The following MARCHF7 variants were observed in gnomAD, a reference collection of about 807,000 sequenced individuals.
MARCHF7 encodes E3 ubiquitin-protein ligase MARCHF7.
In MARCHF7, 20 loss-of-function variants were observed where a neutral mutation model predicts 76.5. That is an observed-to-expected ratio of 0.26 (90% CI 0.18 to 0.38). MARCHF7 has a LOEUF of 0.38. Among genes scored for constraint, MARCHF7 ranks in the 10% least tolerant of loss-of-function variants. The pLI is 1.00. For missense variants in MARCHF7, 797 were observed against 812.9 expected (o/e 0.98, Z 0.24); for synonymous variants, 295 against 293.0 (o/e 1.01, Z -0.07).
At position 159,768,674 on chromosome 2, in the gene MARCHF7, A is replaced by G. The variant is rs1446190144; in HGVS notation, c.*1332A>G. 6.6e-6 allele frequency: 1 copy of G among 152,476 alleles called. No individual in the cohort carries two copies. Among genetic ancestry groups the G allele is most frequent in the East Asian group, 1.9e-4 (1 of 5,202 alleles). 9.4% of individuals were successfully genotyped at this position (152,476 alleles called of 1,614,324 possible). A position where few individuals can be genotyped will look rare whatever the true frequency, so the allele number is the denominator to read the frequency against. On this transcript the variant is annotated 3_prime_UTR_variant, in exon 12 of 12. Transcript: ENST00000409175. ...ACAATTTCAAATCTCATTTTAAGCAATAATATAAATGTTCTAAAACATTTG... is the reference window on the plus strand; with the variant it reads ...ACAATTTCAAATCTCATTTTAAGCAGTAATATAAATGTTCTAAAACATTTG...
intron 3 of MARCHF7, among the ~76,000 whole-genome samples, chr2:159,720,907 G>C (rs1199829128): frequency 6.6e-6 from 1 of 152,142 alleles, no homozygotes; most frequent in Non-Finnish European, 1.5e-5. Context: ...GCTCAGGCTG[G>C]GGTACAGTGG....
chr2:159,770,229 T>C lies in MARCHF7; in HGVS notation c.*2887T>C, dbSNP rs1427793488. 6.6e-6 allele frequency: 1 copy of C among 152,164 alleles called. No homozygotes were observed. The highest frequency in any genetic ancestry group is 2.4e-5 in the African/African-American group (1 of 41,422). The allele number at this position is 152,164 out of a possible 1,614,324, so 9.4% of individuals were successfully genotyped here. A position where few individuals can be genotyped will look rare whatever the true frequency, so the allele number is the denominator to read the frequency against. On this transcript the variant is annotated 3_prime_UTR_variant, in exon 12 of 12. Coordinates refer to ENST00000409175, the MANE Select transcript of MARCHF7 (RefSeq NM_001282805.2). The stretch of plus-strand genomic sequence containing the variant: ...TGTTCAATATTGACATTAGTAATAG[T>C]CTATCAATAATAAAATAGACATCTC...
intron 10 of MARCHF7, among the ~76,000 whole-genome samples, chr2:159,764,001 C>A (rs1707414141): frequency 6.6e-6 from 1 of 152,040 alleles, no homozygotes; most frequent in Non-Finnish European, 1.5e-5. Flanking sequence ...TAAAAAGGTA[C>A]CTTAAGTCTT....
At chr2:159,726,452 C>T (rs148848986) in intron 3 of MARCHF7, among the ~76,000 whole-genome samples, 68 of 152,052 alleles carry the variant, frequency 4.5e-4, no homozygotes, top group African/African-American at 1.5e-3. Flanking sequence ...TTAGTGGAGA[C>T]GGGGTTTCAC....
intron 9 of MARCHF7, 73 bp from the exon 10 acceptor site, chr2:159,762,807 A>G (rs1230240037): frequency 1.2e-6 from 1 of 801,764 alleles, no homozygotes; most frequent in African/African-American, 1.7e-5. Context: ...GTGTACTGTG[A>G]GTATCAATCT....
At chr2:159,759,967 G>A (rs1706826878) in intron 9 of MARCHF7, among the ~76,000 whole-genome samples, 1 of 152,216 alleles carries the variant, frequency 6.6e-6, no homozygotes, top group East Asian at 1.9e-4. Flanking sequence ...TTAAATGTAG[G>A]GGTAATGGGC....
At chr2:159,761,406 C>CTTTTTT (rs747902045) in intron 9 of MARCHF7, among the ~76,000 whole-genome samples, 1,650 of 73,728 alleles carry the variant, frequency 0.022, 274 homozygotes, top group East Asian at 0.036. Context: ...TGAATCATTT[C>CTTTTTT]TTTTTTTTTT....
chr2:159,760,969 A>C (rs1048551185), intron 9 of MARCHF7, among the ~76,000 whole-genome samples: 1 of 151,922 alleles, frequency 6.6e-6, no homozygotes, highest in Admixed American at 6.6e-5. Context: ...GATTAGTTTA[A>C]TAAGTCTATT....
At chr2:159,734,788 A>G (rs1041935195) in intron 4 of MARCHF7, among the ~76,000 whole-genome samples, 6 of 149,806 alleles carry the variant, frequency 4.0e-5, no homozygotes, top group Non-Finnish European at 5.9e-5. Flanking sequence ...TCTGGGTGAC[A>G]TAGTGGGACC....
chr2:159,713,144 A>G (rs1700462861), intron 1 of MARCHF7, among the ~76,000 whole-genome samples: 1 of 152,234 alleles, frequency 6.6e-6, no homozygotes, highest in African/African-American at 2.4e-5. Context: ...CTTATTGGTA[A>G]CGTCAGTTTT....
chr2:159,743,096 A>T lies in MARCHF7; in HGVS notation c.189A>T (p.Gln63His). 6.2e-7 allele frequency: 1 copy of T among 1,613,954 alleles called. No homozygotes were observed. Among genetic ancestry groups the T allele is most frequent in the Non-Finnish European group, 8.5e-7 (1 of 1,179,964 alleles). Reference sequence around the variant, plus strand: ...CATCAGCATCTGCGTCACCATTTCAATCTGCATGGTATAGTGAATCTGAGA... The same window carrying T: ...CATCAGCATCTGCGTCACCATTTCATTCTGCATGGTATAGTGAATCTGAGA... ...TSASASASPF[Q>H]SAWYSESEIT... Residue 63 changes from glutamine (Q) to histidine (H), a missense_variant, in exon 5 of 12, where the codon CAA becomes CAT. By Grantham distance (24) the Gln-to-His change is conservative. Transcript: ENST00000409175.
intron 9 of MARCHF7, among the ~76,000 whole-genome samples, chr2:159,760,358 G>C (rs1706883662): frequency 6.6e-6 from 1 of 152,118 alleles, no homozygotes; most frequent in Admixed American, 6.5e-5. Context: ...CTAATTGCTT[G>C]GATCCAGATA....
At chr2:159,739,888 T>A (rs1703925520) in intron 4 of MARCHF7, among the ~76,000 whole-genome samples, 1 of 152,184 alleles carries the variant, frequency 6.6e-6, no homozygotes, top group African/African-American at 2.4e-5. Context: ...GTGTCGTGAG[T>A]CATGAAAATT....
intron 3 of MARCHF7, among the ~76,000 whole-genome samples, chr2:159,728,140 T>A (rs1199403604): frequency 6.6e-6 from 1 of 152,244 alleles, no homozygotes; most frequent in Non-Finnish European, 1.5e-5. Context: ...ATGTGCAAAT[T>A]GCTTAACCTC....
intron 7 of MARCHF7, among the ~76,000 whole-genome samples, chr2:159,750,363 A>T (rs1369063146): frequency 2.0e-5 from 3 of 152,154 alleles, no homozygotes; most frequent in African/African-American, 7.2e-5. Context: ...TGTCTCTATT[A>T]AAAATACAAA....
At chr2:159,759,446 A>C in intron 9 of MARCHF7, 111 bp downstream of exon 9, 1 of 500,894 alleles carries the variant, frequency 2.0e-6, no homozygotes. Flanking sequence ...AATAATAATA[A>C]CAGTGATAAT....
intron 4 of MARCHF7, among the ~76,000 whole-genome samples, chr2:159,740,085 G>A (rs1177508361): frequency 6.6e-6 from 1 of 152,154 alleles, no homozygotes; most frequent in African/African-American, 2.4e-5. Flanking sequence ...CCCTAAATCT[G>A]ATGAATTTTT....
At chr2:159,726,554 C>T (rs967545810) in intron 3 of MARCHF7, among the ~76,000 whole-genome samples, 2 of 151,956 alleles carry the variant, frequency 1.3e-5, no homozygotes, top group South Asian at 2.1e-4. Flanking sequence ...GAGCCACCGC[C>T]CCCGGCCAGA....
At chr2:159,764,296 C>T (rs1037387459) in intron 10 of MARCHF7, among the ~76,000 whole-genome samples, 6 of 148,416 alleles carry the variant, frequency 4.0e-5, no homozygotes, top group Non-Finnish European at 8.9e-5. Context: ...GGTCCAAATA[C>T]AAGGGTGGTT....
Sources: gnomAD v4.1 joint callset for allele counts (sites outside exome capture counted in the v4.1 genomes callset) on GRCh38, gnomAD v4.1.1 for gene constraint, MANE v1.5 for transcripts, NCBI Gene and HGNC (gene_info 2026-07-23, HGNC 2026-07-21) for gene names.